The following GALNT14 variants were observed in gnomAD, a reference collection of about 807,000 sequenced individuals.
The protein encoded by GALNT14 is UDP-GalNAc:polypeptide N-acetylgalactosaminyltransferase 14.
Under a neutral mutation model 77.5 loss-of-function variants are expected in GALNT14, and 60 were observed. The observed-to-expected ratio is 0.77, with a 90% confidence interval of 0.63 to 0.96. GALNT14 has a LOEUF of 0.96. GALNT14 is among the 40% of genes least tolerant of loss of function. The pLI is 0.00. For synonymous variants in GALNT14, 280 were observed against 281.7 expected (o/e 0.99, Z 0.06); for missense variants, 710 against 731.0 (o/e 0.97, Z 0.33).
At chr2:30,992,166 C>T (rs1054658718) in intron 2 of GALNT14, among the ~76,000 whole-genome samples, 1 of 152,136 alleles carries the variant, frequency 6.6e-6, no homozygotes, top group Non-Finnish European at 1.5e-5. Context: ...TGCTATGACT[C>T]TATAAAGGGT....
chr2:30,972,462 C>G (rs1397713604), intron 2 of GALNT14, among the ~76,000 whole-genome samples: 1 of 152,206 alleles, frequency 6.6e-6, no homozygotes, highest in Non-Finnish European at 1.5e-5. Context: ...CTCATTGAAC[C>G]TTTCTCAGCA....
At chr2:31,024,109 C>T (rs1471921589) in intron 1 of GALNT14, among the ~76,000 whole-genome samples, 2 of 152,036 alleles carry the variant, frequency 1.3e-5, no homozygotes, top group African/African-American at 2.4e-5. Context: ...AGGCATCACC[C>T]TTGACTCCTC....
chr2:30,921,191 C>A (rs552369314), intron 13 of GALNT14, among the ~76,000 whole-genome samples: 1 of 152,146 alleles, frequency 6.6e-6, no homozygotes, highest in African/African-American at 2.4e-5. Context: ...CCCACAGAGA[C>A]CTGGCTCCTC....
At chr2:30,962,640 C>T (rs1242071205) in intron 3 of GALNT14, among the ~76,000 whole-genome samples, 1 of 152,194 alleles carries the variant, frequency 6.6e-6, no homozygotes, top group Non-Finnish European at 1.5e-5. Flanking sequence ...ACACCCACCC[C>T]ATCATCTGTG....
chr2:31,033,750 C>T (rs1483892804), intron 1 of GALNT14, among the ~76,000 whole-genome samples: 2 of 152,100 alleles, frequency 1.3e-5, no homozygotes, highest in African/African-American at 4.8e-5. Context: ...CTCTCCTTTC[C>T]CCGAGATATG....
At chr2:31,099,134 T>C (rs1677143387) in intron 1 of GALNT14, among the ~76,000 whole-genome samples, 1 of 152,130 alleles carries the variant, frequency 6.6e-6, no homozygotes, top group African/African-American at 2.4e-5. Flanking sequence ...CAGCTTGCCC[T>C]TTTTTCTTCA....
rs56916863 is a variant in GALNT14 at position 31,068,507 on chromosome 2, CAA to C, written c.129+69449_129+69450del. On this transcript the variant is annotated intron_variant, in intron 1 of 14. Transcript: ENST00000349752. The stretch of plus-strand genomic sequence containing the variant: ...TGGGTGACAAAGCAAGACCCCGTCT[CAA>C]AAAAAAAAAAAAAAAAGAAAAGAAA... 7.0e-3 allele frequency among the ~76,000 whole-genome samples: 731 copies of C among 104,264 alleles called. 5 individuals carry two copies. The highest frequency in any genetic ancestry group is 0.018 in the African/African-American group (516 of 27,978). The allele number at this position is 104,264 out of a possible 152,430, so 68.4% of individuals were successfully genotyped here.
chr2:31,072,412 C>G (rs905960785), intron 1 of GALNT14, among the ~76,000 whole-genome samples: 4 of 151,884 alleles, frequency 2.6e-5, no homozygotes, highest in African/African-American at 9.7e-5. Context: ...CTTTCTTCCT[C>G]TCTTTCATTT....
In GALNT14 at chr2:31,063,159, C is replaced by T. The variant is rs185149751; in HGVS notation, c.130-70152G>A. 1.2e-4 allele frequency among the ~76,000 whole-genome samples: 19 copies of T among 152,230 alleles called. No homozygotes were observed. In the East Asian group the frequency reaches 2.1e-3, roughly 17 times the overall value. On this transcript the variant is annotated intron_variant, in intron 1 of 14. Transcript: ENST00000349752. ...CATGCCTATGTCCTGAATGGTATTG[C>T]CTAGATTTTCTTCTAGGGTTTTTAT...
At chr2:31,116,947 G>C (rs184014827) in intron 1 of GALNT14, among the ~76,000 whole-genome samples, 6 of 152,028 alleles carry the variant, frequency 3.9e-5, no homozygotes, top group Admixed American at 3.9e-4. Flanking sequence ...TGAGGCAGAA[G>C]AATCACTTGA....
At chr2:31,088,147 G>C (rs1253795151) in intron 1 of GALNT14, among the ~76,000 whole-genome samples, 4 of 152,180 alleles carry the variant, frequency 2.6e-5, no homozygotes, top group Non-Finnish European at 5.9e-5. Context: ...GAAAAAAGAG[G>C]GGCACAGGTA....
At chr2:31,001,756 T>C (rs901506878) in intron 1 of GALNT14, among the ~76,000 whole-genome samples, 4 of 151,910 alleles carry the variant, frequency 2.6e-5, no homozygotes, top group Admixed American at 6.6e-5. Flanking sequence ...ATACTAGATA[T>C]AGAATAAGGC....
chr2:31,128,041 C>T (rs1411500425), intron 1 of GALNT14, among the ~76,000 whole-genome samples: 1 of 152,106 alleles, frequency 6.6e-6, no homozygotes, highest in African/African-American at 2.4e-5. Context: ...TAGGCCATGT[C>T]ACAAAAACAC....
rs190893801 is a variant in GALNT14, at chr2:31,059,354, T to G, written c.130-66347A>C. On this transcript the variant is annotated intron_variant, in intron 1 of 14. Transcript: ENST00000349752. ...TTATGTATCCATCCTAAACTGTTACTTATCCTGAATAAATACTCTCAGGAA... is the reference window on the plus strand; with the variant it reads ...TTATGTATCCATCCTAAACTGTTACGTATCCTGAATAAATACTCTCAGGAA... 2.2e-4 allele frequency among the ~76,000 whole-genome samples: 33 copies of G among 152,352 alleles called. 1 individual carries two copies. Among genetic ancestry groups the G allele is most frequent in the African/African-American group, 7.5e-4 (31 of 41,586 alleles).
At chr2:30,939,095 C>CT (rs756007127) in intron 9 of GALNT14, among the ~76,000 whole-genome samples, 1 of 152,228 alleles carries the variant, frequency 6.6e-6, no homozygotes, top group African/African-American at 2.4e-5. Context: ...GTTTCTACCA[C>CT]TGCTGGCTCA....
At chr2:30,948,110 G>T (rs1056765628) in intron 6 of GALNT14, among the ~76,000 whole-genome samples, 3 of 152,166 alleles carry the variant, frequency 2.0e-5, no homozygotes, top group African/African-American at 4.8e-5. Context: ...ATACCTGGAC[G>T]TGCACACACA....
intron 1 of GALNT14, among the ~76,000 whole-genome samples, chr2:31,124,207 C>A (rs1678573198): frequency 6.6e-6 from 1 of 152,198 alleles, no homozygotes; most frequent in Admixed American, 6.5e-5. Context: ...AGGAGTTCAC[C>A]CATCTTTCCT....
At chr2:31,123,844 C>A (rs1678546107) in intron 1 of GALNT14, among the ~76,000 whole-genome samples, 1 of 152,146 alleles carries the variant, frequency 6.6e-6, no homozygotes, top group Non-Finnish European at 1.5e-5. Context: ...GCCTCACATT[C>A]CACTTTGACT....
At chr2:30,957,837 G>A (rs1667458658) in intron 4 of GALNT14, among the ~76,000 whole-genome samples, 2 of 152,218 alleles carry the variant, frequency 1.3e-5, no homozygotes, top group African/African-American at 2.4e-5. Flanking sequence ...GCTCCTGGGA[G>A]GACGGCCTTC....
Sources: allele counts gnomAD v4.1 joint callset (sites outside exome capture counted in the v4.1 genomes callset), GRCh38; gene constraint gnomAD v4.1.1; transcripts MANE v1.5; gene names NCBI Gene and HGNC (gene_info 2026-07-23, HGNC 2026-07-21).